The following APBB2 variants were observed in gnomAD, a reference collection of about 807,000 sequenced individuals.
APBB2 encodes the protein amyloid beta precursor protein binding family B member 2.
A neutral mutation model predicts 82.5 loss-of-function variants in APBB2; 38 were observed. The observed-to-expected ratio is 0.46, with a 90% CI of 0.36 to 0.60. APBB2 has a LOEUF of 0.60. Among genes scored for constraint, APBB2 ranks in the 20% least tolerant of loss-of-function variants. The probability of loss-of-function intolerance (pLI) is 0.00; values close to 1 mark genes in which losing one functional copy is unlikely to be tolerated. For synonymous variants in APBB2, 341 were observed against 368.2 expected (o/e 0.93, Z 0.85); for missense variants, 772 against 972.3 (o/e 0.79, Z 2.74).
chr4:41,112,009 GA>G (rs771281563), intron 2 of APBB2, among the ~76,000 whole-genome samples: 21 of 152,204 alleles, frequency 1.4e-4, no homozygotes, highest in Non-Finnish European at 2.2e-4. Flanking sequence ...AGAACCACAG[GA>G]AAGTTGAAAC....
chr4:41,008,190 C>G (rs1017860852), intron 6 of APBB2, among the ~76,000 whole-genome samples: 3 of 152,194 alleles, frequency 2.0e-5, no homozygotes, highest in Admixed American at 1.3e-4. Flanking sequence ...AACCTAGGTT[C>G]AAGTCTCAGC....
At chr4:40,894,849 G>A (rs28498309) in intron 10 of APBB2, among the ~76,000 whole-genome samples, 4,016 of 152,234 alleles carry the variant, frequency 0.026, 116 homozygotes, top group African/African-American at 0.074. Context: ...CATTTGCCTT[G>A]CTGGTGATCA....
At chr4:41,025,790 A>C (rs1334759318) in intron 5 of APBB2, among the ~76,000 whole-genome samples, 1 of 144,578 alleles carries the variant, frequency 6.9e-6, no homozygotes, top group Non-Finnish European at 1.5e-5. Context: ...GTGGTGGTAG[A>C]TGCCTATAAT....
At chr4:40,921,157 C>T (rs761892056) in intron 10 of APBB2, among the ~76,000 whole-genome samples, 10 of 152,214 alleles carry the variant, frequency 6.6e-5, no homozygotes, top group Non-Finnish European at 1.3e-4. Context: ...GAAAACTGAA[C>T]TTGTCCATAA....
At chr4:41,032,840 A>G (rs1717476103) in intron 5 of APBB2, among the ~76,000 whole-genome samples, 1 of 114,684 alleles carries the variant, frequency 8.7e-6, no homozygotes, top group Non-Finnish European at 1.6e-5. Context: ...GCTGGAGTGC[A>G]GTGGCGCGAT....
At chr4:40,838,869 T>C (rs1754906142) in intron 12 of APBB2, among the ~76,000 whole-genome samples, 1 of 152,214 alleles carries the variant, frequency 6.6e-6, no homozygotes, top group Non-Finnish European at 1.5e-5. Context: ...CTTATGTGTT[T>C]ACCTCTCTTC....
At chr4:40,864,255 TAAAAACAAAA>T (rs1212821655) in intron 12 of APBB2, among the ~76,000 whole-genome samples, 2 of 100,234 alleles carry the variant, frequency 2.0e-5, no homozygotes, top group Non-Finnish European at 5.0e-5. Flanking sequence ...TCCGTCTCAA[TAAAAACAAAA>T]CAAAACAAAA....
intron 2 of APBB2, among the ~76,000 whole-genome samples, chr4:41,134,298 G>A (rs939768324): frequency 6.6e-6 from 1 of 151,992 alleles, no homozygotes; most frequent in Non-Finnish European, 1.5e-5. Flanking sequence ...AACTTTTTAG[G>A]GCCGGGCGCA....
intron 6 of APBB2, among the ~76,000 whole-genome samples, chr4:41,005,800 A>C (rs1806545333): frequency 6.6e-6 from 1 of 152,238 alleles, no homozygotes; most frequent in Non-Finnish European, 1.5e-5. Context: ...AAGATTTTTT[A>C]CTTTTCAACA....
chr4:41,062,798 G>C (rs1730340678), intron 4 of APBB2, among the ~76,000 whole-genome samples: 1 of 152,156 alleles, frequency 6.6e-6, no homozygotes, highest in East Asian at 1.9e-4. Context: ...CACGTTTCTG[G>C]CACCCAGTGA....
chr4:41,085,184 G>T (rs1739181907), intron 3 of APBB2, among the ~76,000 whole-genome samples: 1 of 150,376 alleles, frequency 6.6e-6, no homozygotes, highest in Non-Finnish European at 1.5e-5. Context: ...CCGGGAGGTG[G>T]AGCTTGCAGT....
chr4:41,053,966 C>T (rs1433157574), intron 4 of APBB2, among the ~76,000 whole-genome samples: 3 of 152,200 alleles, frequency 2.0e-5, no homozygotes, highest in African/African-American at 7.2e-5. Flanking sequence ...ATAACATCTG[C>T]GTCTTCATAT....
intron 6 of APBB2, among the ~76,000 whole-genome samples, chr4:41,011,525 G>A (rs971783435): frequency 1.3e-5 from 2 of 152,100 alleles, no homozygotes; most frequent in Admixed American, 1.3e-4. Flanking sequence ...CCGCCTCATA[G>A]GTTCAAGCAA....
intron 10 of APBB2, among the ~76,000 whole-genome samples, chr4:40,931,032 C>CCA (rs1213011664): frequency 3.3e-5 from 5 of 152,164 alleles, no homozygotes; most frequent in Non-Finnish European, 7.3e-5. Context: ...CAGGCATGAG[C>CCA]CACTGTGCCC....
intron 6 of APBB2, among the ~76,000 whole-genome samples, chr4:40,976,338 T>TTA: frequency 6.6e-6 from 1 of 152,218 alleles, no homozygotes. Context: ...TTTTTAATTT[T>TTA]ATGTGCAATG....
At chr4:40,985,061 C>T (rs1800051176) in intron 6 of APBB2, among the ~76,000 whole-genome samples, 1 of 151,846 alleles carries the variant, frequency 6.6e-6, no homozygotes, top group African/African-American at 2.4e-5. Flanking sequence ...GTTAGAACTA[C>T]AAGGCACCAC....
chr4:41,100,125 G>A (rs1378102936), intron 3 of APBB2, among the ~76,000 whole-genome samples: 1 of 152,112 alleles, frequency 6.6e-6, no homozygotes, highest in Non-Finnish European at 1.5e-5. Flanking sequence ...AAACTGGGAG[G>A]TGCATCAATT....
chr4:41,117,298 T>TTA lies in APBB2; in HGVS notation c.-260-16549_-260-16548insTA, dbSNP rs1560796547. Among the ~76,000 whole-genome samples, 5 of 143,018 alleles carry TTA rather than the reference T, an allele frequency of 3.5e-5. No homozygotes were observed. In the East Asian group the frequency reaches 6.0e-4, roughly 17 times the overall value. The allele number at this position is 143,018 out of a possible 152,430, so 93.8% of individuals were successfully genotyped here. A position where few individuals can be genotyped will look rare whatever the true frequency, so the allele number is the denominator to read the frequency against. ...TATTGTTGTTATTATTATTATTATT[T>TTA]TTTTTTTTTTTTGAGATGGAGTCTC... On this transcript the variant is annotated intron_variant, in intron 2 of 17. Transcript: ENST00000508593.
intron 6 of APBB2, among the ~76,000 whole-genome samples, chr4:41,001,652 C>T (rs1024064545): frequency 2.6e-5 from 4 of 152,198 alleles, no homozygotes; most frequent in East Asian, 1.9e-4. Flanking sequence ...CCAAGGCAGG[C>T]GGATCACCTA....
Sources: gnomAD v4.1 joint callset for allele counts (sites outside exome capture counted in the v4.1 genomes callset) on GRCh38, gnomAD v4.1.1 for gene constraint, MANE v1.5 for transcripts, NCBI Gene and HGNC (gene_info 2026-07-23, HGNC 2026-07-21) for gene names.